Variants in BLK observed in about 807,000 individuals in gnomAD.
BLK encodes the protein BLK proto-oncogene, Src family tyrosine kinase, also known as tyrosine-protein kinase Blk.
BLK carries 64 observed loss-of-function variants against 61.8 expected under a neutral mutation model. The ratio of observed to expected loss-of-function variants is 1.03; its 90% CI spans 0.85 to 1.27. BLK has a LOEUF of 1.27. Ranked by LOEUF, BLK falls within the 50% of genes most tolerant of loss-of-function variation. The pLI is 0.00. For missense variants in BLK, 853 were observed against 660.5 expected, an observed-to-expected ratio of 1.29 and a Z score of -3.19; for synonymous variants, 351 against 272.0, an observed-to-expected ratio of 1.29 and a Z score of -2.86.
At position 11,556,728 on chromosome 8, in the gene BLK, T is replaced by C. The variant is rs2306234; in HGVS notation, c.843T>C (p.Phe281=). ...LKEGTMSPEA[F]LGEANVMKAL... ...AGGGAACCATGTCTCCAGAAGCCTT[T>C]CTGGGTGAGGCCAACGTGATGAAGG... The change falls in exon 9 of 13, where the codon TTT becomes TTC. Residue 281 remains phenylalanine (F), a synonymous_variant. Coordinates refer to ENST00000259089, the MANE Select transcript of BLK (RefSeq NM_001715.3). 1,354,658 of 1,614,022 alleles carry C rather than the reference T, an allele frequency of 0.84. 569,840 individuals are homozygous for C. Among genetic ancestry groups the C allele is most frequent in the East Asian group, 0.94 (42,328 of 44,868 alleles).
At chr8:11,532,223 A>G (rs899078980) in intron 1 of BLK, among the ~76,000 whole-genome samples, 8 of 92,636 alleles carry the variant, frequency 8.6e-5, no homozygotes, top group Non-Finnish European at 2.1e-4. Context: ...ATTTGAGACA[A>G]AATCTCGCTC....
At chr8:11,546,880 G>C (rs1429134964) in intron 3 of BLK, among the ~76,000 whole-genome samples, 1 of 152,190 alleles carries the variant, frequency 6.6e-6, no homozygotes, top group Non-Finnish European at 1.5e-5. Context: ...GTGGCCCCTA[G>C]ACTCCACTTC....
intron 1 of BLK, among the ~76,000 whole-genome samples, chr8:11,513,548 C>A (rs1407357770): frequency 6.6e-6 from 1 of 152,284 alleles, no homozygotes; most frequent in East Asian, 1.9e-4. Context: ...CAATCATAGC[C>A]CCTGAATGTT....
intron 3 of BLK, among the ~76,000 whole-genome samples, chr8:11,546,695 C>A (rs547738108): frequency 6.6e-6 from 1 of 152,344 alleles, no homozygotes; most frequent in African/African-American, 2.4e-5. Context: ...CCTGCCTCAG[C>A]CTCCCAAGTA....
At chr8:11,529,115 T>C (rs931084) in intron 1 of BLK, among the ~76,000 whole-genome samples, 2,602 of 152,168 alleles carry the variant, frequency 0.017, 45 homozygotes, top group African/African-American at 0.045. Flanking sequence ...AAAATAATAG[T>C]AATAATAATA....
chr8:11,534,628 A>G (rs750597948), intron 1 of BLK, among the ~76,000 whole-genome samples: 1 of 152,204 alleles, frequency 6.6e-6, no homozygotes, highest in East Asian at 1.9e-4. Flanking sequence ...TATCAATTTT[A>G]CCACAATGGG....
chr8:11,539,161 G>T (rs755912957), intron 1 of BLK, among the ~76,000 whole-genome samples: 3 of 151,790 alleles, frequency 2.0e-5, no homozygotes, highest in Non-Finnish European at 4.4e-5. Context: ...AAACAACTTG[G>T]TGTTCATCCT....
intron 3 of BLK, 37 bp downstream of exon 3, chr8:11,546,140 C>G: frequency 2.5e-6 from 4 of 1,610,438 alleles, no homozygotes; most frequent in Non-Finnish European, 3.4e-6. Flanking sequence ...GGCTCCACAG[C>G]CCTCTCCCCT....
At chr8:11,548,301 T>C (rs945894989) in intron 4 of BLK, among the ~76,000 whole-genome samples, 176 bp downstream of exon 4, 1 of 152,160 alleles carries the variant, frequency 6.6e-6, no homozygotes, top group Non-Finnish European at 1.5e-5. Context: ...CTCTCCAAAA[T>C]CTTTCCGGTG....
chr8:11,500,987 T>A (rs1289115739), intron 1 of BLK, among the ~76,000 whole-genome samples: 1 of 152,036 alleles, frequency 6.6e-6, no homozygotes. Context: ...GGTGGGAGGA[T>A]TGCTTGAGGT....
intron 1 of BLK, among the ~76,000 whole-genome samples, chr8:11,522,256 C>G (rs1323038588): frequency 6.6e-6 from 1 of 152,052 alleles, no homozygotes; most frequent in Non-Finnish European, 1.5e-5. Context: ...GGCAAAGAAT[C>G]CATATAACCC....
intron 1 of BLK, among the ~76,000 whole-genome samples, chr8:11,533,605 A>AGGAGGAGGAGGAGGAGG (rs1563100814): frequency 8.0e-5 from 9 of 113,186 alleles, no homozygotes; most frequent in African/African-American, 1.6e-4. Flanking sequence ...GGAGGAGGAG[A>AGGAGGAGGAGGAGGAGG]AGGAGGAGGA....
intron 11 of BLK, among the ~76,000 whole-genome samples, chr8:11,562,198 C>T (rs754962469): frequency 3.3e-5 from 5 of 152,188 alleles, no homozygotes; most frequent in African/African-American, 1.2e-4. Flanking sequence ...CTCTCATGTG[C>T]GATCAGCAAA....
At chr8:11,548,253 G>A in intron 4 of BLK, 128 bp downstream of exon 4, 1 of 764,170 alleles carries the variant, frequency 1.3e-6, no homozygotes, top group Admixed American at 2.4e-5. Context: ...CCCCAGCCCT[G>A]GCCCCAGCAT....
intron 1 of BLK, among the ~76,000 whole-genome samples, chr8:11,528,768 C>T (rs1335808231): frequency 6.6e-6 from 1 of 152,092 alleles, no homozygotes; most frequent in Non-Finnish European, 1.5e-5. Flanking sequence ...AAATAATGAG[C>T]CGTAAAAAGG....
chr8:11,543,349 T>G lies in BLK; in HGVS notation c.123+2T>G. On this transcript the variant is annotated splice_donor_variant, in intron 2 of 12. Coordinates refer to ENST00000259089, the MANE Select transcript of BLK (RefSeq NM_001715.3). LOFTEE classifies it high-confidence loss of function. ...GACGCCCCGCCACTGCCGCCCCTGG[T>G]GAGTGATTGCCCACCCCCACCAAGA... 2 of 1,612,776 alleles carry G rather than the reference T, an allele frequency of 1.2e-6. No individual in the cohort carries two copies. The highest frequency in any genetic ancestry group is 1.7e-6 in the Non-Finnish European group (2 of 1,179,992).
chr8:11,563,813 G>A (rs2117611126), intron 12 of BLK, 90 bp from the exon 13 acceptor site: 2 of 1,299,776 alleles, frequency 1.5e-6, no homozygotes, highest in East Asian at 5.0e-5. Context: ...TCCCTTGCCT[G>A]GGCCCACTGT....
chr8:11,559,791 A>C (rs771571314), intron 10 of BLK: 16 of 456,038 alleles, frequency 3.5e-5, no homozygotes, highest in Non-Finnish European at 5.3e-5. Flanking sequence ...CACCTGGCAG[A>C]ATCCTTATCA....
chr8:11,534,209 T>C (rs1456434558), intron 1 of BLK, among the ~76,000 whole-genome samples: 6 of 152,248 alleles, frequency 3.9e-5, no homozygotes, highest in Admixed American at 6.5e-5. Context: ...TAATGACCCA[T>C]GATTTGATTT....
Sources: gnomAD v4.1 joint callset for allele counts (sites outside exome capture counted in the v4.1 genomes callset) on GRCh38, gnomAD v4.1.1 for gene constraint, MANE v1.5 for transcripts, NCBI Gene and HGNC (gene_info 2026-07-23, HGNC 2026-07-21) for gene names.